Variants in CARMIL1 observed in about 807,000 individuals in gnomAD.
CARMIL1 encodes the protein F-actin-uncapping protein LRRC16A.
CARMIL1 carries 90 observed loss-of-function variants against 177.1 expected under a neutral mutation model. The ratio of observed to expected loss-of-function variants is 0.51; its 90% CI spans 0.43 to 0.61. The LOEUF (loss-of-function observed/expected upper bound fraction) is 0.61. CARMIL1 is among the 20% of genes least tolerant of loss of function. The probability of loss-of-function intolerance (pLI) is 0.00; values close to 1 mark genes in which losing one functional copy is unlikely to be tolerated. For missense variants in CARMIL1, 1,380 were observed against 1,667.0 expected (o/e 0.83, Z 3.00); for synonymous variants, 577 against 606.2 (o/e 0.95, Z 0.71).
At chr6:25,468,189 G>A (rs1402733199) in intron 9 of CARMIL1, among the ~76,000 whole-genome samples, 1 of 147,958 alleles carries the variant, frequency 6.8e-6, no homozygotes, top group Non-Finnish European at 1.5e-5. Flanking sequence ...TCTAATTTGA[G>A]TCAAGGATTT....
chr6:25,439,110 G>A (rs954196996), intron 5 of CARMIL1, among the ~76,000 whole-genome samples: 1 of 151,464 alleles, frequency 6.6e-6, no homozygotes, highest in South Asian at 2.1e-4. Context: ...CTCAGAGTCC[G>A]GTTTTAATAA....
chr6:25,315,132 A>G (rs1561972937), intron 2 of CARMIL1, among the ~76,000 whole-genome samples: 2 of 152,132 alleles, frequency 1.3e-5, no homozygotes, highest in Non-Finnish European at 2.9e-5. Context: ...GGCAGTCTTT[A>G]GGTGTCCTCC....
At chr6:25,614,767 C>T (rs776087810) in intron 36 of CARMIL1, among the ~76,000 whole-genome samples, 5 of 152,182 alleles carry the variant, frequency 3.3e-5, no homozygotes, top group Non-Finnish European at 5.9e-5. Context: ...TGCTACCTGC[C>T]GCCCAGTGCC....
At chr6:25,453,365 AT>A (rs1401898455) in intron 8 of CARMIL1, among the ~76,000 whole-genome samples, 1 of 152,046 alleles carries the variant, frequency 6.6e-6, no homozygotes, top group Non-Finnish European at 1.5e-5. Context: ...ATACGTTGTC[AT>A]TTTTTTGTGA....
intron 2 of CARMIL1, among the ~76,000 whole-genome samples, chr6:25,353,197 T>C (rs529247440): frequency 3.9e-5 from 6 of 152,360 alleles, no homozygotes; most frequent in African/African-American, 1.4e-4. Flanking sequence ...ATATCTATAA[T>C]TGTAATAATA....
chr6:25,404,720 C>T (rs1231301889), intron 2 of CARMIL1, among the ~76,000 whole-genome samples: 3 of 151,102 alleles, frequency 2.0e-5, no homozygotes, highest in Admixed American at 2.0e-4. Context: ...CTTACCACTG[C>T]ACTCCAGCCT....
intron 28 of CARMIL1, 106 bp from the exon 29 acceptor site, chr6:25,556,595 C>G: frequency 1.0e-6 from 1 of 983,530 alleles, no homozygotes; most frequent in South Asian, 1.7e-5. Context: ...CACTCGTCAG[C>G]TTTGTGCTCC....
At chr6:25,528,173 T>A (rs1807354577) in intron 23 of CARMIL1, among the ~76,000 whole-genome samples, 1 of 152,236 alleles carries the variant, frequency 6.6e-6, no homozygotes, top group African/African-American at 2.4e-5. Context: ...TACAGAAATC[T>A]ATTTTTTATT....
intron 2 of CARMIL1, 44 bp downstream of exon 2, chr6:25,284,953 G>T: frequency 8.2e-7 from 1 of 1,213,904 alleles, no homozygotes; most frequent in Non-Finnish European, 1.2e-6. Context: ...GGAAATGAAA[G>T]TGTGTTTTCA....
In CARMIL1 at chr6:25,387,877, C is replaced by T. The variant is rs116410280; in HGVS notation, c.139-32237C>T. On this transcript the variant is annotated intron_variant, in intron 2 of 36. Coordinates refer to ENST00000329474, the MANE Select transcript of CARMIL1 (RefSeq NM_017640.6). ...CAGATGCAACTATGGGCCCCTTTTC[C>T]GAGTGGGTAATGATTTCTTTGCCTC... is the stretch of plus-strand genomic sequence containing the variant. Among the ~76,000 whole-genome samples, 354 of 152,196 alleles carry T rather than the reference C, an allele frequency of 2.3e-3. 2 individuals are homozygous for T. The highest frequency in any genetic ancestry group is 8.1e-3 in the African/African-American group (337 of 41,514).
intron 8 of CARMIL1, among the ~76,000 whole-genome samples, chr6:25,453,476 T>C (rs1799193057): frequency 6.6e-6 from 1 of 152,204 alleles, no homozygotes; most frequent in African/African-American, 2.4e-5. Flanking sequence ...TAGAGGAACA[T>C]ACTTCCCATT....
chr6:25,287,759 C>T (rs1370435932), intron 2 of CARMIL1, among the ~76,000 whole-genome samples: 1 of 152,210 alleles, frequency 6.6e-6, no homozygotes, highest in Non-Finnish European at 1.5e-5. Context: ...CCCAGCTCTG[C>T]CTCACTCAGA....
chr6:25,526,464 C>G (rs1048039748), intron 23 of CARMIL1, among the ~76,000 whole-genome samples: 2 of 151,254 alleles, frequency 1.3e-5, no homozygotes, highest in Non-Finnish European at 2.9e-5. Flanking sequence ...TCTTTTCTCT[C>G]CCCTCCCCTT....
chr6:25,567,660 T>C (rs372078088), intron 29 of CARMIL1, among the ~76,000 whole-genome samples: 2 of 152,322 alleles, frequency 1.3e-5, no homozygotes, highest in East Asian at 3.9e-4. Context: ...GTAGATTTAC[T>C]TGGGCTGAAA....
At chr6:25,450,529 T>G in intron 7 of CARMIL1, 109 bp from the exon 8 acceptor site, 1 of 1,104,066 alleles carries the variant, frequency 9.1e-7, no homozygotes, top group Admixed American at 2.1e-5. Flanking sequence ...TCTTCACTTC[T>G]CAGATTACAT....
chr6:25,374,436 T>G (rs1269552525), intron 2 of CARMIL1, among the ~76,000 whole-genome samples: 1 of 152,230 alleles, frequency 6.6e-6, no homozygotes, highest in African/African-American at 2.4e-5. Flanking sequence ...GCTTGTTTTG[T>G]GGCCTATCAT....
At chr6:25,360,786 C>G (rs10946764) in intron 2 of CARMIL1, among the ~76,000 whole-genome samples, 73,593 of 151,986 alleles carry the variant, frequency 0.48, 18,401 homozygotes, top group Non-Finnish European at 0.55. Context: ...ATTAGACCTT[C>G]CCTTATTCAC....
chr6:25,309,666 CATA>C (rs1265271816), intron 2 of CARMIL1, among the ~76,000 whole-genome samples: 3 of 151,506 alleles, frequency 2.0e-5, no homozygotes, highest in Admixed American at 6.6e-5. Context: ...TGTCATTTAG[CATA>C]ATATTTTCAA....
intron 29 of CARMIL1, among the ~76,000 whole-genome samples, chr6:25,560,165 T>A (rs1347453722): frequency 6.6e-6 from 1 of 152,172 alleles, no homozygotes; most frequent in Non-Finnish European, 1.5e-5. Flanking sequence ...GGAGGATAAC[T>A]AAGCTTCTAA....
Sources: allele counts gnomAD v4.1 joint callset (sites outside exome capture counted in the v4.1 genomes callset), GRCh38; gene constraint gnomAD v4.1.1; transcripts MANE v1.5; gene names NCBI Gene and HGNC (gene_info 2026-07-23, HGNC 2026-07-21).